CHD8: variants seen among roughly 807,000 people sequenced by gnomAD.
The protein encoded by CHD8 is chromodomain helicase DNA binding protein 8.
In CHD8, 31 loss-of-function variants were observed where a neutral mutation model predicts 279.2. The ratio of observed to expected loss-of-function variants is 0.11; its 90% confidence interval spans 0.08 to 0.15. The LOEUF is 0.15. CHD8 is among the 10% of genes least tolerant of loss of function. The pLI, the probability that CHD8 is intolerant of heterozygous loss-of-function variation, is 1.00. For missense variants in CHD8, 2,146 were observed against 3,230.5 expected (o/e 0.66, Z 8.14); for synonymous variants, 1,081 against 1,139.6 (o/e 0.95, Z 1.04).
chr14:21,393,597 C>T lies in CHD8; in HGVS notation c.6198G>A (p.Glu2066=). Residue 2066 remains glutamate, a synonymous_variant, in exon 32 of 38, where the codon GAG becomes GAA. Coordinates refer to ENST00000646647, the MANE Select transcript of CHD8 (RefSeq NM_001170629.2). ...AGTCCAGCTCAGAGTCCGAATCATC[C>T]TCATCCTCCAGTTTGACTGGTGGAA... ...RSVPPVKLED[E]DDSDSELDLS... 1 of 1,613,796 alleles carries T rather than the reference C, an allele frequency of 6.2e-7. No individual in the cohort carries two copies. Among genetic ancestry groups the T allele is most frequent in the Non-Finnish European group, 8.5e-7 (1 of 1,179,836 alleles).
intron 21 of CHD8, 29 bp downstream of exon 21, chr14:21,401,374 A>T (rs1236098309): frequency 7.4e-7 from 1 of 1,358,410 alleles, no homozygotes; most frequent in Non-Finnish European, 1.0e-6. Flanking sequence ...GTCTTCTGCG[A>T]TACTTCCTCC....
chr14:21,449,948 T>C (rs978744190), intron 1 of CHD8, among the ~76,000 whole-genome samples: 5 of 152,164 alleles, frequency 3.3e-5, no homozygotes, highest in Non-Finnish European at 5.9e-5. Flanking sequence ...CTAAATTTTA[T>C]AGGAGAATTG....
At chr14:21,441,691 A>C (rs944267934) in intron 1 of CHD8, among the ~76,000 whole-genome samples, 3 of 152,022 alleles carry the variant, frequency 2.0e-5, no homozygotes, top group African/African-American at 7.2e-5. Flanking sequence ...GATGGAGACC[A>C]TCCTGGCTAA....
At position 21,433,720 on chromosome 14, in the gene CHD8, A is replaced by G. The variant is rs145355748; in HGVS notation, c.-215-1862T>C. Among the ~76,000 whole-genome samples, 68 of 152,294 alleles carry G rather than the reference A, an allele frequency of 4.5e-4. No individual in the cohort carries two copies. In the East Asian group the frequency reaches 9.7e-3, roughly 22 times the overall value. On this transcript the variant is annotated intron_variant, in intron 1 of 37. Coordinates refer to ENST00000646647, the MANE Select transcript of CHD8 (RefSeq NM_001170629.2). ...AAACAAGATCGTCCTTGCTTCAGTA[A>G]TTGCATACTTTTCATATCTCAACCC...
chr14:21,446,317 CTT>C (rs71112587), intron 1 of CHD8, among the ~76,000 whole-genome samples: 17 of 137,494 alleles, frequency 1.2e-4, no homozygotes, highest in Non-Finnish European at 1.7e-4. Flanking sequence ...TCTTCTTCTT[CTT>C]TTTTTTTTTT....
At chr14:21,422,197 T>C (rs758238845) in intron 5 of CHD8, among the ~76,000 whole-genome samples, 1 of 152,016 alleles carries the variant, frequency 6.6e-6, no homozygotes, top group South Asian at 2.1e-4. Flanking sequence ...AAAAATTAGC[T>C]GGGCATGGTG....
chr14:21,424,218 G>C (rs545115470), intron 5 of CHD8, among the ~76,000 whole-genome samples: 1 of 152,226 alleles, frequency 6.6e-6, no homozygotes, highest in Admixed American at 6.5e-5. Flanking sequence ...AAAAAATCCA[G>C]CTTTTCCTAA....
In CHD8 at chr14:21,414,434, A is replaced by G; in HGVS notation, c.2025-16T>C. On this transcript the variant is annotated splice_polypyrimidine_tract_variant and intron_variant, in intron 8 of 37. Transcript: ENST00000646647. ...CAGATAGGAGCTAAGGGGGATGGAA[A>G]AATCCAGTCATGGTGCAAGTAAAAG... 7.5e-7 allele frequency: 1 copy of G among 1,341,664 alleles called. No homozygotes were observed. The highest frequency in any genetic ancestry group is 2.5e-5 in the East Asian group (1 of 40,688). The allele number at this position is 1,341,664 out of a possible 1,614,324, so 83.1% of individuals were successfully genotyped here. A position where few individuals can be genotyped will look rare whatever the true frequency, so the allele number is the denominator to read the frequency against.
chr14:21,423,729 T>C (rs567213902), intron 5 of CHD8, among the ~76,000 whole-genome samples: 86 of 152,270 alleles, frequency 5.6e-4, no homozygotes, highest in African/African-American at 1.8e-3. Flanking sequence ...GACACATTCA[T>C]CCACAGCATA....
chr14:21,400,079 G>C lies in CHD8; in HGVS notation c.4728-9C>G. The C allele has an allele frequency of 6.2e-7, 1 of 1,613,618 alleles. No individual in the cohort carries two copies. The highest frequency in any genetic ancestry group is 8.5e-7 in the Non-Finnish European group (1 of 1,179,674). ...GTACCCGCAACAGTACCCTAGAAAG[G>C]ACAGAGGAAGAGCTGGCTCAGTAAC... On this transcript the variant is annotated splice_polypyrimidine_tract_variant and intron_variant, in intron 24 of 37. Coordinates refer to ENST00000646647, the MANE Select transcript of CHD8 (RefSeq NM_001170629.2). This position sits in a 1 kb window ranked among gnomAD's most constrained non-coding sequence, Gnocchi z 4.2.
rs1887988371 is a variant in CHD8 at position 21,400,622 on chromosome 14, A to G, written c.4371-10T>C. 6.4e-7 allele frequency: 1 copy of G among 1,559,926 alleles called. No homozygotes were observed. Among genetic ancestry groups the G allele is most frequent in the Non-Finnish European group, 8.6e-7 (1 of 1,160,806 alleles). ...TCGCCATCGTCCCCAACTAAAAAAC[A>G]GAAAACTATATTAACATTTTTCTGA... On this transcript the variant is annotated splice_polypyrimidine_tract_variant and intron_variant, in intron 22 of 37. Coordinates refer to ENST00000646647, the MANE Select transcript of CHD8 (RefSeq NM_001170629.2). This position sits in a 1 kb window ranked among gnomAD's most constrained non-coding sequence, Gnocchi z 4.2.
At chr14:21,395,549 C>A in intron 28 of CHD8, 197 bp from the exon 29 acceptor site, 1 of 599,642 alleles carries the variant, frequency 1.7e-6, no homozygotes, top group South Asian at 2.1e-5. Context: ...AAGGTCAGTT[C>A]CTATTAACGA....
chr14:21,399,723 C>T lies in CHD8; in HGVS notation c.4818-18G>A, dbSNP rs377431445. ...CAATCTCACTAAAGGTATAAGAGGG[C>T]AGAGTCAGCACAGAAATGCAGGAAA... On this transcript the variant is annotated intron_variant, in intron 25 of 37. Transcript: ENST00000646647. 1.7e-5 allele frequency: 25 copies of T among 1,503,502 alleles called. No individual in the cohort carries two copies. In the African/African-American group the frequency reaches 3.2e-4, roughly 19 times the overall value. 93.1% of individuals were successfully genotyped at this position (1,503,502 alleles called of 1,614,324 possible).
At chr14:21,437,274 C>T in intron 1 of CHD8, 3 of 1,150,572 alleles carry the variant, frequency 2.6e-6, no homozygotes, top group South Asian at 3.4e-5. Flanking sequence ...GCAACCTAAC[C>T]TGATGCTCCT....
At position 21,431,274 on chromosome 14, in the gene CHD8, T is replaced by C. The variant is rs750909288; in HGVS notation, c.370A>G (p.Lys124Glu). 14 of 1,586,338 alleles carry C rather than the reference T, an allele frequency of 8.8e-6. No individual in the cohort carries two copies. In the East Asian group the frequency reaches 1.1e-4, roughly 13 times the overall value. Residue 124 changes from lysine (K) to glutamate (E), a missense_variant, in exon 2 of 38, where the codon AAG (lysine) becomes GAG (glutamate). Coordinates refer to ENST00000646647, the MANE Select transcript of CHD8 (RefSeq NM_001170629.2). ...CCTTGGCTCAGGATCTCCTGGCTCT[T>C]GGAGACTTGCAAAAGTCCTGATGTT... ...TPTSGLLQVS[K>E]SQEILSQGNP... is the part of the protein sequence containing the mutation.
chr14:21,446,766 C>T (rs1890131561), intron 1 of CHD8, among the ~76,000 whole-genome samples: 1 of 152,212 alleles, frequency 6.6e-6, no homozygotes. Flanking sequence ...CCAGAAGACA[C>T]ATTCTTAACC....
In CHD8 at chr14:21,415,761, T is replaced by C; in HGVS notation, c.1863A>G (p.Pro621=). Residue 621 remains proline, a synonymous_variant, in exon 6 of 38, where the codon CCA becomes CCG. Transcript: ENST00000646647. ...EPILPEPVQE[P]DGETLPSMQF... is the part of the protein sequence containing the mutation. Reference sequence around the variant, plus strand: ...GCATGGAAGGCAAAGTCTCGCCATCTGGTTCTTGCACTGGTTCAGGGAGGA... The same window carrying C: ...GCATGGAAGGCAAAGTCTCGCCATCCGGTTCTTGCACTGGTTCAGGGAGGA... The C allele has an allele frequency of 6.2e-7, 1 of 1,613,902 alleles. No homozygotes were observed. The highest frequency in any genetic ancestry group is 8.5e-7 in the Non-Finnish European group (1 of 1,179,812).
intron 34 of CHD8, 126 bp downstream of exon 34, chr14:21,392,381 T>G: frequency 1.1e-6 from 1 of 951,490 alleles, no homozygotes; most frequent in South Asian, 1.6e-5. Flanking sequence ...TGGATCTTTG[T>G]AAGCTCTGTT....
intron 1 of CHD8, among the ~76,000 whole-genome samples, chr14:21,435,687 A>C (rs981135639): frequency 5.9e-5 from 9 of 152,214 alleles, no homozygotes; most frequent in African/African-American, 1.9e-4. Context: ...GGTGGAGATA[A>C]ATGTGCAGTT....
Sources: gnomAD v4.1 joint callset for allele counts (sites outside exome capture counted in the v4.1 genomes callset) on GRCh38, gnomAD v4.1.1 for gene constraint, Gnocchi (gnomAD v3.1) non-coding constraint, MANE v1.5 for transcripts, NCBI Gene and HGNC (gene_info 2026-07-23, HGNC 2026-07-21) for gene names.